TTC12: variants seen among roughly 807,000 people sequenced by gnomAD.
The protein encoded by TTC12 is tetratricopeptide repeat domain 12.
In TTC12, 70 loss-of-function variants were observed where a neutral mutation model predicts 90.1. The ratio of observed to expected loss-of-function variants is 0.78; its 90% CI spans 0.64 to 0.95. The LOEUF is 0.95. Among genes scored for constraint, TTC12 ranks in the 40% least tolerant of loss-of-function variants. TTC12 has a pLI of 0.00. For missense variants in TTC12, 819 were observed against 846.1 expected (o/e 0.97, Z 0.40); for synonymous variants, 296 against 311.5 (o/e 0.95, Z 0.53).
At chr11:113,346,502 C>T (rs1948969110) in intron 13 of TTC12, among the ~76,000 whole-genome samples, 1 of 152,254 alleles carries the variant, frequency 6.6e-6, no homozygotes, top group Non-Finnish European at 1.5e-5. Context: ...TGACCTTCCT[C>T]ACATGGTCAT....
chr11:113,324,156 G>A (rs1947535946), intron 4 of TTC12, 141 bp downstream of exon 4: 1 of 645,878 alleles, frequency 1.5e-6, no homozygotes, highest in Admixed American at 3.1e-5. Context: ...ATCCCATTCT[G>A]TTACTAGTGA....
chr11:113,357,254 T>C (rs1949683084), intron 16 of TTC12, among the ~76,000 whole-genome samples: 2 of 152,216 alleles, frequency 1.3e-5, no homozygotes, highest in Admixed American at 1.3e-4. Context: ...GAAATTCTTG[T>C]AGTGTGGTTT....
chr11:113,356,013 A>G (rs1949614234), intron 16 of TTC12, among the ~76,000 whole-genome samples: 1 of 152,178 alleles, frequency 6.6e-6, no homozygotes, highest in Non-Finnish European at 1.5e-5. Context: ...TTTCTATCTC[A>G]GTGATCTGAT....
chr11:113,368,760 C>G, downstream of TTC12: 1 of 507,048 alleles, frequency 2.0e-6, no homozygotes. Context: ...CAAATAAGAG[C>G]TTCTTGGCTT....
rs1555140706 is a variant in TTC12, at chr11:113,325,560, G to A, written c.359G>A (p.Gly120Asp). Residue 120 changes from glycine to aspartate, a missense_variant, in exon 6 of 22, where the codon GGC becomes GAC. By Grantham distance (94) the Gly-to-Asp change is moderately conservative. Coordinates refer to ENST00000529221, the MANE Select transcript of TTC12 (RefSeq NM_017868.4). ...KEKGNEAFAE[G>D]NYETAILRYS... ...AAAGGGAATGAAGCATTTGCTGAAGGCAATTATGAAACAGCTATCCTGCGC... is the reference window on the plus strand; with the variant it reads ...AAAGGGAATGAAGCATTTGCTGAAGACAATTATGAAACAGCTATCCTGCGC... The A allele has an allele frequency of 6.2e-7, 1 of 1,613,946 alleles. No homozygotes were observed. Among genetic ancestry groups the A allele is most frequent in the Admixed American group, 1.7e-5 (1 of 60,016 alleles).
chr11:113,324,610 T>G lies in TTC12; in HGVS notation c.250T>G (p.Phe84Val). The change falls in exon 5 of 22, where the codon TTC (phenylalanine) becomes GTC (valine). Residue 84 changes from phenylalanine to valine, a missense_variant. By Grantham distance (50) the Phe-to-Val change is conservative. Coordinates refer to ENST00000529221, the MANE Select transcript of TTC12 (RefSeq NM_017868.4). Reference protein sequence around the residue: ...KSAEEINSEAFLASVEKDAKE... With the variant: ...KSAEEINSEAVLASVEKDAKE... ...TGAAATTACCCTGCTGTCAGAGGCCTTCTTGGCATCTGTGGAGAAGGATGC... is the reference window on the plus strand; with the variant it reads ...TGAAATTACCCTGCTGTCAGAGGCCGTCTTGGCATCTGTGGAGAAGGATGC... The G allele has an allele frequency of 6.2e-7, 1 of 1,613,620 alleles. No individual in the cohort carries two copies. Among genetic ancestry groups the G allele is most frequent in the Non-Finnish European group, 8.5e-7 (1 of 1,179,746 alleles).
At chr11:113,368,626 C>A, downstream of TTC12, 1 of 907,768 alleles carries the variant, frequency 1.1e-6, no homozygotes, top group Non-Finnish European at 1.8e-6. Flanking sequence ...GACGTGAGGA[C>A]GGTGGTTCCA....
chr11:113,336,809 CA>C (rs1948394070), intron 8 of TTC12, among the ~76,000 whole-genome samples: 1 of 152,120 alleles, frequency 6.6e-6, no homozygotes, highest in Admixed American at 6.5e-5. Context: ...TCTACTTTTT[CA>C]AGATTGTTTT....
intron 7 of TTC12, among the ~76,000 whole-genome samples, chr11:113,334,745 C>T (rs1555143469): frequency 6.6e-6 from 1 of 151,952 alleles, no homozygotes; most frequent in Non-Finnish European, 1.5e-5. Flanking sequence ...TGAAAACTGG[C>T]AGGTATCATT....
At chr11:113,335,075 A>G in intron 8 of TTC12, 38 bp downstream of exon 8, 4 of 1,430,512 alleles carry the variant, frequency 2.8e-6, no homozygotes, top group Non-Finnish European at 3.9e-6. Context: ...ATGTTTGATC[A>G]CAGACTGATG....
intron 8 of TTC12, among the ~76,000 whole-genome samples, chr11:113,336,399 C>A (rs942191176): frequency 2.6e-5 from 4 of 152,076 alleles, no homozygotes; most frequent in Non-Finnish European, 4.4e-5. Context: ...GCCTCAATTA[C>A]CTATTTTTCT....
At chr11:113,368,357 G>T, downstream of TTC12, 1 of 1,547,864 alleles carries the variant, frequency 6.5e-7, no homozygotes, top group Non-Finnish European at 8.7e-7. Flanking sequence ...ATGCTACCAT[G>T]CAGACCTTCC....
At chr11:113,324,130 C>A in intron 4 of TTC12, 115 bp downstream of exon 4, 2 of 776,870 alleles carry the variant, frequency 2.6e-6, no homozygotes, top group Admixed American at 2.5e-5. Flanking sequence ...AACCTGTGAA[C>A]AAAAACCTAC....
rs1555140196 is a variant in TTC12 at position 113,324,606 on chromosome 11, G to A, written c.246G>A (p.Glu82=). The change falls in exon 5 of 22, where the codon GAG becomes GAA. Residue 82 remains glutamate (E), a splice_region_variant and synonymous_variant. Coordinates refer to ENST00000529221, the MANE Select transcript of TTC12 (RefSeq NM_017868.4). ...TATCTGAAATTACCCTGCTGTCAGA[G>A]GCCTTCTTGGCATCTGTGGAGAAGG... ...AMKSAEEINS[E]AFLASVEKDA... is the part of the protein sequence containing the mutation. 1.2e-6 allele frequency: 2 copies of A among 1,613,024 alleles called. No individual in the cohort carries two copies. The highest frequency in any genetic ancestry group is 2.2e-5 in the South Asian group (2 of 90,868).
At chr11:113,363,571 C>G (rs1950050854) in intron 19 of TTC12, among the ~76,000 whole-genome samples, 1 of 152,184 alleles carries the variant, frequency 6.6e-6, no homozygotes, top group Admixed American at 6.5e-5. Flanking sequence ...ATAAAGCCTT[C>G]CGGAGGCAAT....
chr11:113,363,969 T>A, intron 20 of TTC12, 42 bp downstream of exon 20: 1 of 1,390,988 alleles, frequency 7.2e-7, no homozygotes, highest in Non-Finnish European at 1.0e-6. Context: ...TCCCAGAGGT[T>A]CATCCACCCT....
downstream of TTC12, among the ~76,000 whole-genome samples, chr11:113,367,510 A>C (rs1950253223): frequency 6.6e-6 from 1 of 152,242 alleles, no homozygotes; most frequent in African/African-American, 2.4e-5. Context: ...ATTTGGGTTA[A>C]GTTTGAAGGG....
chr11:113,338,708 C>G lies in TTC12; in HGVS notation c.577-66C>G. The G allele has an allele frequency of 1.5e-6, 2 of 1,292,844 alleles. 1 individual carries two copies. Among genetic ancestry groups the G allele is most frequent in the South Asian group, 2.5e-5 (2 of 81,198 alleles). The allele number at this position is 1,292,844 out of a possible 1,614,324, so 80.1% of individuals were successfully genotyped here. ...AATGAAGCAGCCAAGCCCAATGACA[C>G]CCAGTGTCTTTCTCATAATCACCTT... On this transcript the variant is annotated intron_variant, in intron 8 of 21. Coordinates refer to ENST00000529221, the MANE Select transcript of TTC12 (RefSeq NM_017868.4).
At chr11:113,350,869 T>C (rs1329735573) in intron 14 of TTC12, among the ~76,000 whole-genome samples, 1 of 152,182 alleles carries the variant, frequency 6.6e-6, no homozygotes, top group Admixed American at 6.5e-5. Flanking sequence ...GCCCTCCCAG[T>C]GGCTCCGATG....
Sources: gnomAD v4.1 joint callset for allele counts (sites outside exome capture counted in the v4.1 genomes callset) on GRCh38, gnomAD v4.1.1 for gene constraint, MANE v1.5 for transcripts, NCBI Gene and HGNC (gene_info 2026-07-23, HGNC 2026-07-21) for gene names.